GPX6: variants seen among roughly 807,000 people sequenced by gnomAD.
The protein encoded by GPX6 is glutathione peroxidase 6 (olfactory).
GPX6 carries 21 observed loss-of-function variants against 20.0 expected under a neutral mutation model. The observed-to-expected ratio is 1.05, with a 90% CI of 0.74 to 1.51. The LOEUF is 1.51. Ranked by LOEUF, GPX6 falls within the 40% of genes most tolerant of loss-of-function variation. The pLI is 0.00. For synonymous variants in GPX6, 75 were observed against 98.0 expected, an observed-to-expected ratio of 0.77 and a Z score of 1.38; for missense variants, 233 against 254.7, an observed-to-expected ratio of 0.91 and a Z score of 0.58.
In GPX6 at chr6:28,504,348, CTG is replaced by C. The variant is rs1423913826; in HGVS notation, c.608_609del (p.Pro203ArgfsTer?). 1.2e-6 allele frequency: 2 copies of C among 1,614,186 alleles called. No individual in the cohort carries two copies. Among genetic ancestry groups the C allele is most frequent in the Non-Finnish European group, 1.7e-6 (2 of 1,180,036 alleles). ...VPVMHWFHQA[P>X]VSTVKSDILE... is the part of the protein sequence containing the mutation. The stretch of plus-strand genomic sequence containing the variant: ...AGGATGTCTGACTTGACTGTGCTGA[CTG>C]GAGCCTGGTGGAACCAATGCATGAC... On this transcript the variant is annotated frameshift_variant, in exon 5 of 5. Coordinates refer to ENST00000361902, the MANE Select transcript of GPX6 (RefSeq NM_182701.1). LOFTEE classifies it low-confidence loss of function (END_TRUNC).
chr6:28,513,307 A>C (rs1287325309), intron 1 of GPX6, among the ~76,000 whole-genome samples: 1 of 152,322 alleles, frequency 6.6e-6, no homozygotes, highest in East Asian at 1.9e-4. Context: ...GGGTGGCTGA[A>C]CTAAGAGCAC....
At chr6:28,512,976 G>T (rs529960863) in intron 1 of GPX6, among the ~76,000 whole-genome samples, 1 of 152,140 alleles carries the variant, frequency 6.6e-6, no homozygotes, top group South Asian at 2.1e-4. Flanking sequence ...TTCTGGACAC[G>T]CTGCCTTAAA....
At position 28,506,373 on chromosome 6, in the gene GPX6, G is replaced by A; in HGVS notation, c.298C>T (p.Pro100Ser). ...KNFGVIVLAF[P>S]CNQFGKQEPG... ...TCTTGTTTTCCAAACTGGTTGCAGG[G>A]AAAGGCCAACACAATGACACCAAAA... Residue 100 changes from proline (P) to serine (S), a missense_variant, in exon 3 of 5, where the codon CCC (proline) becomes TCC (serine). Pro to Ser is a moderately conservative substitution (Grantham distance 74). Coordinates refer to ENST00000361902, the MANE Select transcript of GPX6 (RefSeq NM_182701.1). 1.2e-6 allele frequency: 2 copies of A among 1,613,986 alleles called. No homozygotes were observed. The highest frequency in any genetic ancestry group is 1.7e-6 in the Non-Finnish European group (2 of 1,179,894).
In GPX6 at chr6:28,504,145, A is replaced by C; in HGVS notation, c.*147T>G. On this transcript the variant is annotated 3_prime_UTR_variant, in exon 5 of 5. Transcript: ENST00000361902. ...ACACAGCTACACACACATGCTAAGC[A>C]GGTGCTTGGGTAGTACAGGATGGTT... 1.6e-6 allele frequency: 1 copy of C among 644,200 alleles called. No homozygotes were observed. The highest frequency in any genetic ancestry group is 1.9e-5 in the South Asian group (1 of 53,242). The allele number at this position is 644,200 out of a possible 1,614,324, so 39.9% of individuals were successfully genotyped here. A position where few individuals can be genotyped will look rare whatever the true frequency, so the allele number is the denominator to read the frequency against.
intron 1 of GPX6, among the ~76,000 whole-genome samples, chr6:28,513,056 T>C (rs434112): frequency 0.44 from 67,219 of 152,022 alleles, 17,039 homozygotes; most frequent in African/African-American, 0.7. Context: ...AGGAGCACAC[T>C]GGAAGGCCAT....
In GPX6 at chr6:28,514,326, C is replaced by A. The variant is rs182532395; in HGVS notation, c.87+1331G>T. ...AGCTCAATCCTTCCTACCCAGTTTT[C>A]AGTTCTGCTCTAGTTTGCTTACATC... On this transcript the variant is annotated intron_variant, in intron 1 of 4. Transcript: ENST00000361902. 1.4e-4 allele frequency among the ~76,000 whole-genome samples: 21 copies of A among 152,334 alleles called. No homozygotes were observed. The East Asian group carries it at 4.0e-3, about 29-fold the overall frequency.
chr6:28,513,317 C>G lies in GPX6; in HGVS notation c.87+2340G>C, dbSNP rs1053939236. Among the ~76,000 whole-genome samples, 3 of 152,176 alleles carry G rather than the reference C, an allele frequency of 2.0e-5. No individual in the cohort carries two copies. In the East Asian group the frequency reaches 5.8e-4, roughly 29 times the overall value. ...CCTATGGGTGGCTGAACTAAGAGCA[C>G]CCTGTAACACACGCCCACTGGGGCT... On this transcript the variant is annotated intron_variant, in intron 1 of 4. Transcript: ENST00000361902.
chr6:28,515,155 C>T (rs1381130458), intron 1 of GPX6, among the ~76,000 whole-genome samples: 2 of 152,156 alleles, frequency 1.3e-5, no homozygotes, highest in East Asian at 3.9e-4. Context: ...GTGGGGAGCT[C>T]CTCTTTCTGT....
intron 2 of GPX6, among the ~76,000 whole-genome samples, chr6:28,507,391 C>T (rs180838039): frequency 3.3e-5 from 5 of 152,378 alleles, no homozygotes; most frequent in Admixed American, 3.3e-4. Flanking sequence ...AGCAGACACA[C>T]TTAACAGACC....
At chr6:28,512,802 G>A (rs1279629208) in intron 1 of GPX6, among the ~76,000 whole-genome samples, 1 of 152,152 alleles carries the variant, frequency 6.6e-6, no homozygotes, top group African/African-American at 2.4e-5. Context: ...CCCACCGGGA[G>A]GAATGAACAA....
intron 1 of GPX6, among the ~76,000 whole-genome samples, chr6:28,513,141 A>C (rs1365978783): frequency 6.6e-6 from 1 of 152,322 alleles, no homozygotes; most frequent in Non-Finnish European, 1.5e-5. Flanking sequence ...CCATCTGATG[A>C]GAGCTACTTC....
chr6:28,506,706 A>ACAC (rs369306148), intron 2 of GPX6, among the ~76,000 whole-genome samples: 3 of 145,098 alleles, frequency 2.1e-5, no homozygotes, highest in African/African-American at 7.7e-5. Context: ...TTTTTTTTTA[A>ACAC]ACACACACAC....
Position 28,504,351 on chromosome 6 carries a change from G to A in GPX6, c.607C>T (p.Pro203Ser). The change falls in exon 5 of 5, where the codon CCA (proline) becomes TCA (serine). Residue 203 changes from proline (P) to serine (S), a missense_variant. Transcript: ENST00000361902. ...VPVMHWFHQA[P>S]VSTVKSDILE... is the part of the protein sequence containing the mutation. ...ATGTCTGACTTGACTGTGCTGACTG[G>A]AGCCTGGTGGAACCAATGCATGACA... 6.2e-7 allele frequency: 1 copy of A among 1,614,144 alleles called. No individual in the cohort carries two copies. The highest frequency in any genetic ancestry group is 8.5e-7 in the Non-Finnish European group (1 of 1,180,032).
At chr6:28,506,562 A>C in intron 2 of GPX6, 133 bp from the exon 3 acceptor site, 1 of 602,744 alleles carries the variant, frequency 1.7e-6, no homozygotes, top group Non-Finnish European at 3.0e-6. Flanking sequence ...AAGGTTACAG[A>C]GATCAAAGGA....
chr6:28,511,063 C>T, intron 1 of GPX6, 159 bp from the exon 2 acceptor site: 1 of 567,640 alleles, frequency 1.8e-6, no homozygotes, highest in Non-Finnish European at 2.9e-6. Context: ...AGAGCTGATG[C>T]CATAGCTAGA....
Position 28,504,026 on chromosome 6 carries a change from C to A in GPX6, c.*266G>T. 6.6e-6 allele frequency: 2 copies of A among 305,242 alleles called. No homozygotes were observed. Among genetic ancestry groups the A allele is most frequent in the South Asian group, 7.7e-5 (1 of 13,050 alleles). The allele number at this position is 305,242 out of a possible 1,614,324, so 18.9% of individuals were successfully genotyped here. On this transcript the variant is annotated 3_prime_UTR_variant, in exon 5 of 5. Transcript: ENST00000361902. ...TGTTCTTTTCCTTAATCTTCAAACA[C>A]ACACACACACACACACACACACACC... is the stretch of plus-strand genomic sequence containing the variant.
chr6:28,505,128 G>C (rs1452921855), intron 4 of GPX6, among the ~76,000 whole-genome samples: 1 of 152,170 alleles, frequency 6.6e-6, no homozygotes. Flanking sequence ...TTTAATGTCA[G>C]AATAAATGTT....
At chr6:28,513,154 C>T (rs400987) in intron 1 of GPX6, among the ~76,000 whole-genome samples, 4,466 of 152,274 alleles carry the variant, frequency 0.029, 148 homozygotes, top group African/African-American at 0.079. Context: ...GCTACTTCCA[C>T]TTAATAAAAC....
At chr6:28,505,376 C>T (rs1008636746) in intron 4 of GPX6, among the ~76,000 whole-genome samples, 1 of 152,194 alleles carries the variant, frequency 6.6e-6, no homozygotes, top group Non-Finnish European at 1.5e-5. Context: ...ATGTCTGTCT[C>T]CTGATTAAAT....
Sources: allele counts gnomAD v4.1 joint callset (sites outside exome capture counted in the v4.1 genomes callset), GRCh38; gene constraint gnomAD v4.1.1; transcripts MANE v1.5; gene names NCBI Gene and HGNC (gene_info 2026-07-23, HGNC 2026-07-21).